SORCS1: variants seen among roughly 807,000 people sequenced by gnomAD.
The protein encoded by SORCS1 is VPS10 domain-containing receptor SorCS1.
Under a neutral mutation model 146.1 loss-of-function variants are expected in SORCS1, and 60 were observed. The observed-to-expected ratio is 0.41, with a 90% CI of 0.33 to 0.51. The LOEUF is 0.51. SORCS1 is among the 20% of genes least tolerant of loss of function. The pLI, the probability that SORCS1 is intolerant of heterozygous loss-of-function variation, is 0.21. For missense variants in SORCS1, 1,352 were observed against 1,487.6 expected (o/e 0.91, Z 1.50); for synonymous variants, 637 against 584.0 (o/e 1.09, Z -1.31).
chr10:107,164,228 G>T lies in SORCS1; in HGVS notation c.299C>A (p.Ala100Glu), dbSNP rs762414671. The change falls in exon 1 of 26, where the codon GCG becomes GAG. Residue 100 changes from alanine (A) to glutamate (E), a missense_variant. Around this residue, in one of 3 missense-constraint regions of SORCS1, gnomAD observed 490 missense variants for 489.1 expected, o/e 1.00. Transcript: ENST00000263054. This position sits in a 1 kb window ranked among gnomAD's most constrained non-coding sequence, Gnocchi z 6.8. ...CCTCCGGCCGGAGCGTGCAGCAACC[G>T]CCATGGATGCCCCAGTGCCCCGAGC... Reference protein sequence around the residue: ...ERARGTGASMAVAARSGRRRR... With the variant: ...ERARGTGASMEVAARSGRRRR... The T allele has an allele frequency of 1.2e-6, 2 of 1,607,930 alleles. No homozygotes were observed. The highest frequency in any genetic ancestry group is 2.2e-5 in the East Asian group (1 of 44,820).
At chr10:106,690,402 T>C (rs1232123308) in intron 9 of SORCS1, among the ~76,000 whole-genome samples, 1 of 152,212 alleles carries the variant, frequency 6.6e-6, no homozygotes, top group Non-Finnish European at 1.5e-5. Flanking sequence ...GGAATAAAAA[T>C]GTTACCTATT....
chr10:106,909,823 A>G (rs562393669), intron 2 of SORCS1, among the ~76,000 whole-genome samples: 36 of 152,344 alleles, frequency 2.4e-4, no homozygotes, highest in Non-Finnish European at 4.9e-4. Flanking sequence ...ACACACACAC[A>G]TATGCACTGA....
chr10:106,877,828 C>CA (rs1214067537), intron 2 of SORCS1, among the ~76,000 whole-genome samples: 1 of 152,032 alleles, frequency 6.6e-6, no homozygotes, highest in Non-Finnish European at 1.5e-5. Context: ...AGACATGCCA[C>CA]AAAAAAGCAG....
intron 1 of SORCS1, among the ~76,000 whole-genome samples, chr10:107,069,478 C>T (rs1394493931): frequency 3.3e-5 from 5 of 151,956 alleles, no homozygotes; most frequent in Non-Finnish European, 4.4e-5. Context: ...CAGGTTCAAG[C>T]GATTCTCCTG....
intron 2 of SORCS1, among the ~76,000 whole-genome samples, chr10:106,861,403 A>C (rs1425208567): frequency 6.8e-6 from 1 of 148,138 alleles, no homozygotes; most frequent in Non-Finnish European, 1.5e-5. Flanking sequence ...CCGCCTTAAA[A>C]AAAAAAAAAA....
intron 2 of SORCS1, among the ~76,000 whole-genome samples, chr10:106,887,449 T>C (rs922324859): frequency 6.6e-6 from 1 of 152,106 alleles, no homozygotes; most frequent in Non-Finnish European, 1.5e-5. Flanking sequence ...GTATAGAGAC[T>C]ATAAGTTCAA....
chr10:107,015,433 G>C (rs1214741485), intron 1 of SORCS1, among the ~76,000 whole-genome samples: 4 of 152,190 alleles, frequency 2.6e-5, no homozygotes, highest in African/African-American at 9.6e-5. Context: ...AGAGTTGACA[G>C]AGATGAGGGA....
At chr10:106,861,426 G>C (rs1347750680) in intron 2 of SORCS1, among the ~76,000 whole-genome samples, 1 of 148,632 alleles carries the variant, frequency 6.7e-6, no homozygotes, top group East Asian at 2.0e-4. Flanking sequence ...AAGAATATGC[G>C]AAAATAAATA....
the SORCS1 span, among the ~76,000 whole-genome samples, chr10:107,179,640 C>A: frequency 6.6e-6 from 1 of 152,062 alleles, no homozygotes; most frequent in African/African-American, 2.4e-5. Context: ...TGTATAGTGA[C>A]CTCACATTAT....
intron 5 of SORCS1, among the ~76,000 whole-genome samples, chr10:106,743,966 T>C (rs1215463461): frequency 6.6e-6 from 1 of 152,272 alleles, no homozygotes; most frequent in East Asian, 1.9e-4. Flanking sequence ...GACTTTTGCA[T>C]CATATCACGA....
chr10:107,121,699 A>G (rs934183925), intron 1 of SORCS1, among the ~76,000 whole-genome samples: 2 of 152,342 alleles, frequency 1.3e-5, no homozygotes, highest in African/African-American at 2.4e-5. Flanking sequence ...TAAAACTGGC[A>G]TAACAGTACA....
intron 3 of SORCS1, among the ~76,000 whole-genome samples, chr10:106,784,395 A>G (rs1205741790): frequency 1.1e-5 from 1 of 92,576 alleles, no homozygotes; most frequent in Non-Finnish European, 2.8e-5. Flanking sequence ...ACTCCGTCAA[A>G]AAAAAAAAAA....
intron 2 of SORCS1, among the ~76,000 whole-genome samples, chr10:106,865,307 G>A (rs1220239677): frequency 6.6e-6 from 1 of 152,220 alleles, no homozygotes; most frequent in East Asian, 1.9e-4. Context: ...CAGAGGGAGG[G>A]GCAGGCAGCC....
At chr10:106,786,287 C>T (rs924225538) in intron 3 of SORCS1, among the ~76,000 whole-genome samples, 1 of 152,224 alleles carries the variant, frequency 6.6e-6, no homozygotes, top group East Asian at 1.9e-4. Context: ...GTCTCAAATC[C>T]ACATGATGTC....
intron 1 of SORCS1, among the ~76,000 whole-genome samples, chr10:107,036,035 T>A (rs1055114693): frequency 4.6e-5 from 7 of 151,596 alleles, no homozygotes; most frequent in Non-Finnish European, 1.0e-4. Context: ...CCTACATATT[T>A]CTAGTATCCC....
chr10:107,117,491 C>T (rs1205562525), intron 1 of SORCS1, among the ~76,000 whole-genome samples: 3 of 152,114 alleles, frequency 2.0e-5, no homozygotes, highest in African/African-American at 4.8e-5. Flanking sequence ...ACTGTGAGGT[C>T]ATGAGTACCC....
intron 1 of SORCS1, among the ~76,000 whole-genome samples, chr10:107,075,506 T>C (rs1319946507): frequency 6.6e-6 from 1 of 152,102 alleles, no homozygotes; most frequent in Non-Finnish European, 1.5e-5. Flanking sequence ...CATTATCCTA[T>C]AGAAGCAGGA....
intron 1 of SORCS1, among the ~76,000 whole-genome samples, chr10:107,152,121 A>T (rs1968857597): frequency 6.6e-6 from 1 of 152,216 alleles, no homozygotes; most frequent in Non-Finnish European, 1.5e-5. Context: ...AGCTCAGGCC[A>T]TTGCTTCAGA....
At chr10:106,706,270 A>G in intron 8 of SORCS1, among the ~76,000 whole-genome samples, 1 of 151,878 alleles carries the variant, frequency 6.6e-6, no homozygotes, top group Non-Finnish European at 1.5e-5. Context: ...AAGAGAAAAA[A>G]AGAAAGTAAG....
Sources: allele counts gnomAD v4.1 joint callset (sites outside exome capture counted in the v4.1 genomes callset), GRCh38; gene constraint gnomAD v4.1.1; regional missense constraint gnomAD v4.1.1; non-coding constraint Gnocchi (gnomAD v3.1); transcripts MANE v1.5; gene names NCBI Gene and HGNC (gene_info 2026-07-23, HGNC 2026-07-21).